SLC38A10: variants seen among roughly 807,000 people sequenced by gnomAD.
SLC38A10 encodes the protein Sodium-coupled neutral amino acid transporter 10.
A neutral mutation model predicts 81.0 loss-of-function variants in SLC38A10; 53 were observed. That is an observed-to-expected ratio of 0.65 (90% CI 0.53 to 0.82). The LOEUF is 0.82. SLC38A10 is among the 40% of genes least tolerant of loss of function. SLC38A10 has a pLI of 0.00. For synonymous variants in SLC38A10, 665 were observed against 655.3 expected (o/e 1.01, Z -0.23); for missense variants, 1,471 against 1,545.0 (o/e 0.95, Z 0.80).
In SLC38A10 at chr17:81,251,504, C is replaced by T. The variant is rs754810225; in HGVS notation, c.2054G>A (p.Ser685Asn). The change falls in exon 14 of 16, where the codon AGC becomes AAC. Residue 685 changes from serine (S) to asparagine (N), a missense_variant. Physicochemically the swap from Ser to Asn is conservative, Grantham distance 46. This residue lies in a region of SLC38A10 where 751 missense variants were observed against 717.4 expected (regional missense o/e 1.05). Transcript: ENST00000374759. ...VERAGGNQAA[S>N]QLEEAGRAEM... is the part of the protein sequence containing the mutation. ...GGCGGAGGCCTTACCCTCCAGCTGG[C>T]TGGCCGCCTGGTTTCCACCCGCTCG... 1 of 1,599,238 alleles carries T rather than the reference C, an allele frequency of 6.3e-7. No individual in the cohort carries two copies. The highest frequency in any genetic ancestry group is 8.5e-7 in the Non-Finnish European group (1 of 1,175,574).
Position 81,286,670 on chromosome 17 carries a change from G to A in SLC38A10, c.218-1775C>T, listed in dbSNP as rs951847349. Among the ~76,000 whole-genome samples, 10 of 152,178 alleles carry A rather than the reference G, an allele frequency of 6.6e-5. No individual in the cohort carries two copies. The highest frequency in any genetic ancestry group is 5.9e-5 in the Non-Finnish European group (4 of 68,046). ...TGCCAGGCTGGAGGTATCTGTGAGC[G>A]GCGAGCTCTGAGGGCGCGGCCTCCA... On this transcript the variant is annotated intron_variant, in intron 2 of 15. Coordinates refer to ENST00000374759, the MANE Select transcript of SLC38A10 (RefSeq NM_001037984.3). The surrounding 1 kb of genome is among the most constrained non-coding windows in gnomAD (Gnocchi z 6.0).
chr17:81,260,501 GGA>G, intron 10 of SLC38A10, 107 bp from the exon 11 acceptor site: 1 of 1,393,356 alleles, frequency 7.2e-7, no homozygotes, highest in Non-Finnish European at 9.6e-7. Context: ...TGAGGCACGA[GGA>G]GAGTGGACAT....
intron 1 of SLC38A10, among the ~76,000 whole-genome samples, chr17:81,290,514 T>C (rs1266772148): frequency 6.6e-6 from 1 of 152,226 alleles, no homozygotes; most frequent in Non-Finnish European, 1.5e-5. Context: ...CTCTGAATGC[T>C]ACAAACAGTG....
chr17:81,261,030 G>A (rs976124532), intron 10 of SLC38A10, among the ~76,000 whole-genome samples: 1 of 152,252 alleles, frequency 6.6e-6, no homozygotes, highest in Non-Finnish European at 1.5e-5. Context: ...AATGGCCTTC[G>A]CCTCTCCTTA....
Position 81,289,700 on chromosome 17 carries a change from C to T in SLC38A10, c.208G>A (p.Ala70Thr). The change falls in exon 2 of 16, where the codon GCC (alanine) becomes ACC (threonine). Residue 70 changes from alanine (A) to threonine (T), a missense_variant. By Grantham distance (58) the Ala-to-Thr change is moderately conservative. This residue lies in a region of SLC38A10 where 720 missense variants were observed against 827.7 expected (regional missense o/e 0.87). Coordinates refer to ENST00000374759, the MANE Select transcript of SLC38A10 (RefSeq NM_001037984.3). This position sits in a 1 kb window ranked among gnomAD's most constrained non-coding sequence, Gnocchi z 5.9. ...GGAGAGGGCGCCTCACCCAGGCCGG[C>T]GTAGGTCCTCCGCTTGCTCAGGCTG... is the stretch of plus-strand genomic sequence containing the variant. ...SASLSKRRTY[A>T]GLAFHAYGKA... is the part of the protein sequence containing the mutation. The T allele has an allele frequency of 1.9e-6, 3 of 1,609,162 alleles. No homozygotes were observed. The highest frequency in any genetic ancestry group is 2.5e-6 in the Non-Finnish European group (3 of 1,179,224).
At chr17:81,262,849 A>G (rs1220202382) in intron 10 of SLC38A10, 1 of 152,266 alleles carries the variant, frequency 6.6e-6, no homozygotes, top group Non-Finnish European at 1.5e-5. Context: ...TAAAACATCC[A>G]TGGAGACTGA....
chr17:81,268,598 A>G (rs1045222050), intron 10 of SLC38A10, among the ~76,000 whole-genome samples: 1 of 152,074 alleles, frequency 6.6e-6, no homozygotes, highest in Non-Finnish European at 1.5e-5. Flanking sequence ...AACAACAATA[A>G]CAATGTCTTG....
Position 81,276,231 on chromosome 17 carries a change from G to T in SLC38A10, c.730-80C>A. The stretch of plus-strand genomic sequence containing the variant: ...ACCTGTCACAGTGGGCAGGGCATGG[G>T]GGGGACCTGTGCCCTGCCCCCCAGA... On this transcript the variant is annotated intron_variant, in intron 7 of 15. Transcript: ENST00000374759. This position sits in a 1 kb window ranked among gnomAD's most constrained non-coding sequence, Gnocchi z 4.7. 1 of 1,373,898 alleles carries T rather than the reference G, an allele frequency of 7.3e-7. No homozygotes were observed. Among genetic ancestry groups the T allele is most frequent in the South Asian group, 1.4e-5 (1 of 69,584 alleles). 85.1% of individuals were successfully genotyped at this position (1,373,898 alleles called of 1,614,324 possible).
At chr17:81,255,075 C>T (rs996638990) in intron 11 of SLC38A10, among the ~76,000 whole-genome samples, 17 of 152,274 alleles carry the variant, frequency 1.1e-4, no homozygotes, top group Admixed American at 3.3e-4. Context: ...GCAGGAGCCG[C>T]GGGACGGGAA....
At chr17:81,258,699 G>A (rs2062994452) in intron 11 of SLC38A10, among the ~76,000 whole-genome samples, 1 of 152,166 alleles carries the variant, frequency 6.6e-6, no homozygotes, top group Admixed American at 6.5e-5. Flanking sequence ...CTAGCCCAGA[G>A]GCCTGGACAG....
At chr17:81,278,667 A>G (rs145258970) in intron 6 of SLC38A10, among the ~76,000 whole-genome samples, 34 of 152,294 alleles carry the variant, frequency 2.2e-4, no homozygotes, top group East Asian at 3.9e-4. Context: ...GCTACAGAAG[A>G]AGGCCATGTT....
intron 11 of SLC38A10, among the ~76,000 whole-genome samples, chr17:81,259,220 C>T (rs964350586): frequency 1.3e-5 from 2 of 152,108 alleles, no homozygotes; most frequent in African/African-American, 4.8e-5. Flanking sequence ...CTCCTGGAGG[C>T]GGAAGTCACT....
rs1482740942 is a variant in SLC38A10, at chr17:81,286,633, G to A, written c.218-1738C>T. On this transcript the variant is annotated intron_variant, in intron 2 of 15. Transcript: ENST00000374759. The surrounding 1 kb of genome is among the most constrained non-coding windows in gnomAD (Gnocchi z 6.0). ...TCCCCCGAGTGTGGACTCCCAGTGC[G>A]GGCCCAGCCCCTGCCAGGCTGGAGG... Among the ~76,000 whole-genome samples the A allele has an allele frequency of 2.0e-5, 3 of 152,302 alleles. No homozygotes were observed. Among genetic ancestry groups the A allele is most frequent in the Non-Finnish European group, 4.4e-5 (3 of 68,018 alleles).
intron 14 of SLC38A10, chr17:81,250,735 C>A: frequency 1.3e-6 from 1 of 782,464 alleles, no homozygotes; most frequent in Non-Finnish European, 1.6e-6. Context: ...GCGGGTGGAC[C>A]CCTAGCCTGG....
chr17:81,245,237 G>A lies in SLC38A10; in HGVS notation c.*319C>T, dbSNP rs1598372482. 3.3e-6 allele frequency: 1 copy of A among 302,140 alleles called. No homozygotes were observed. Among genetic ancestry groups the A allele is most frequent in the East Asian group, 6.4e-5 (1 of 15,728 alleles). The allele number at this position is 302,140 out of a possible 1,614,324, so 18.7% of individuals were successfully genotyped here. On this transcript the variant is annotated 3_prime_UTR_variant, in exon 16 of 16. Transcript: ENST00000374759. ...AGGAGGCCTGACCACAGACGCAGCAGCTCCCCAGCCTGAGCCTGGGAGTGC... is the reference window on the plus strand; with the variant it reads ...AGGAGGCCTGACCACAGACGCAGCAACTCCCCAGCCTGAGCCTGGGAGTGC...
rs181956172 is a variant in SLC38A10, at chr17:81,289,977, T to C, written c.100-169A>G. Among the ~76,000 whole-genome samples, 194 of 152,332 alleles carry C rather than the reference T, an allele frequency of 1.3e-3. No homozygotes were observed. The highest frequency in any genetic ancestry group is 4.4e-3 in the African/African-American group (184 of 41,576). ...CACTGAAAGGGCCATTTCCTTGCTG[T>C]GGTGGCCGCGCGCCTTGTCCAGGGA... On this transcript the variant is annotated intron_variant, in intron 1 of 15. Transcript: ENST00000374759. The surrounding 1 kb of genome is among the most constrained non-coding windows in gnomAD (Gnocchi z 5.9).
intron 9 of SLC38A10, among the ~76,000 whole-genome samples, chr17:81,271,903 A>C (rs2063119238): frequency 6.6e-6 from 1 of 150,426 alleles, no homozygotes; most frequent in South Asian, 2.1e-4. Flanking sequence ...ATTTTTTTGT[A>C]TTTTTAGTAG....
chr17:81,293,201 G>T (rs1003637407), intron 1 of SLC38A10, among the ~76,000 whole-genome samples: 2 of 152,200 alleles, frequency 1.3e-5, no homozygotes, highest in African/African-American at 4.8e-5. Context: ...TGCAGGAGAA[G>T]GACCAGCTAC....
In SLC38A10 at chr17:81,245,346, G is replaced by C. The variant is rs1020653660; in HGVS notation, c.*210C>G. The C allele has an allele frequency of 1.6e-6, 1 of 612,844 alleles. No homozygotes were observed. Among genetic ancestry groups the C allele is most frequent in the African/African-American group, 1.9e-5 (1 of 52,564 alleles). The allele number at this position is 612,844 out of a possible 1,614,324, so 38.0% of individuals were successfully genotyped here. Reference sequence around the variant, plus strand: ...TAGAGGTCAGAGGACCTCAGACTAAGAGCTGCAACAGAACGACAGCAAGAA... The same window carrying C: ...TAGAGGTCAGAGGACCTCAGACTAACAGCTGCAACAGAACGACAGCAAGAA... On this transcript the variant is annotated 3_prime_UTR_variant, in exon 16 of 16. Coordinates refer to ENST00000374759, the MANE Select transcript of SLC38A10 (RefSeq NM_001037984.3).
Sources: allele counts gnomAD v4.1 joint callset (sites outside exome capture counted in the v4.1 genomes callset), GRCh38; gene constraint gnomAD v4.1.1; regional missense constraint gnomAD v4.1.1; non-coding constraint Gnocchi (gnomAD v3.1); transcripts MANE v1.5; gene names NCBI Gene and HGNC (gene_info 2026-07-23, HGNC 2026-07-21).